Variants in MACF1 observed in about 807,000 individuals in gnomAD.
The protein encoded by MACF1 is microtubule actin crosslinking factor 1.
In MACF1, 193 loss-of-function variants were observed where a neutral mutation model predicts 854.8. The observed-to-expected ratio is 0.23, with a 90% confidence interval of 0.20 to 0.25. The LOEUF is 0.25. Ranked by LOEUF, MACF1 falls within the 10% of genes least tolerant of loss-of-function variation. The pLI, the probability that MACF1 is intolerant of heterozygous loss-of-function variation, is 1.00. For missense variants in MACF1, 7,722 were observed against 8,929.1 expected, an observed-to-expected ratio of 0.86 and a Z score of 5.45; for synonymous variants, 3,185 against 3,226.7, an observed-to-expected ratio of 0.99 and a Z score of 0.44.
intron 6 of MACF1, among the ~76,000 whole-genome samples, chr1:39,273,013 A>C (rs893318989): frequency 1.4e-4 from 22 of 151,896 alleles, no homozygotes; most frequent in Non-Finnish European, 2.5e-4. Flanking sequence ...TACCTGGCTT[A>C]TTTCAACAAG....
chr1:39,233,464 G>A (rs1249051769), intron 2 of MACF1, among the ~76,000 whole-genome samples: 4 of 152,108 alleles, frequency 2.6e-5, no homozygotes, highest in East Asian at 1.9e-4. Flanking sequence ...AAACAGTGAC[G>A]TAAACCCCTG....
At chr1:39,175,347 T>G (rs1644009050) in intron 2 of MACF1, among the ~76,000 whole-genome samples, 2 of 152,234 alleles carry the variant, frequency 1.3e-5, no homozygotes, top group Non-Finnish European at 2.9e-5. Flanking sequence ...GGAGACATTT[T>G]ATATGAAAAA....
intron 6 of MACF1, among the ~76,000 whole-genome samples, chr1:39,276,650 A>G (rs1645443529): frequency 6.6e-6 from 1 of 152,176 alleles, no homozygotes; most frequent in African/African-American, 2.4e-5. Context: ...GAAATCCTCC[A>G]GCCCACAGTA....
intron 1 of MACF1, among the ~76,000 whole-genome samples, chr1:39,229,257 T>C (rs1417878745): frequency 1.3e-5 from 2 of 152,184 alleles, no homozygotes; most frequent in Non-Finnish European, 2.9e-5. Flanking sequence ...AAGAAAATTG[T>C]TCCTTGCAAA....
chr1:39,195,788 T>C (rs981828106), intron 2 of MACF1, among the ~76,000 whole-genome samples: 1 of 152,208 alleles, frequency 6.6e-6, no homozygotes, highest in Non-Finnish European at 1.5e-5. Flanking sequence ...AAGTTATAAA[T>C]AAACATTTAT....
At chr1:39,169,913 A>G (rs1433837718) in intron 2 of MACF1, among the ~76,000 whole-genome samples, 5 of 151,168 alleles carry the variant, frequency 3.3e-5, no homozygotes, top group South Asian at 2.1e-4. Flanking sequence ...AGCTGGGACT[A>G]CAGGCACCTG....
chr1:39,361,755 A>G, intron 49 of MACF1, 78 bp downstream of exon 49: 3 of 1,375,354 alleles, frequency 2.2e-6, no homozygotes, highest in South Asian at 1.3e-5. Context: ...CTGAGCGCAT[A>G]CTACATCAGT....
At chr1:39,269,250 A>G in intron 6 of MACF1, 1 of 1,289,798 alleles carries the variant, frequency 7.8e-7, no homozygotes, top group Non-Finnish European at 1.0e-6. Context: ...GCAAGGAGAG[A>G]CTGCAGTGGA....
chr1:39,248,695 T>G (rs1299269721), intron 2 of MACF1, among the ~76,000 whole-genome samples: 1 of 152,222 alleles, frequency 6.6e-6, no homozygotes, highest in African/African-American at 2.4e-5. Flanking sequence ...ATCTTCCTTA[T>G]AATTTTCACA....
At chr1:39,307,063 C>T (rs1646196713) in intron 23 of MACF1, among the ~76,000 whole-genome samples, 1 of 151,552 alleles carries the variant, frequency 6.6e-6, no homozygotes, top group Non-Finnish European at 1.5e-5. Flanking sequence ...TTAGTAAAGA[C>T]AGGGTTTCAC....
At chr1:39,451,021 A>G (rs1570128221) in intron 84 of MACF1, 31 bp from the exon 85 acceptor site, 2 of 1,604,672 alleles carry the variant, frequency 1.2e-6, no homozygotes, top group Non-Finnish European at 1.7e-6. Context: ...AGGAATCCCT[A>G]AAAATGGTAG....
intron 1 of MACF1, among the ~76,000 whole-genome samples, chr1:39,216,959 C>T (rs1373791456): frequency 2.6e-5 from 4 of 152,186 alleles, no homozygotes; most frequent in Non-Finnish European, 4.4e-5. Flanking sequence ...GGGGTTCCTA[C>T]TCCACCACTT....
At chr1:39,476,502 C>T (rs1644886015) in intron 97 of MACF1, among the ~76,000 whole-genome samples, 2 of 151,472 alleles carry the variant, frequency 1.3e-5, no homozygotes, top group East Asian at 2.0e-4. Flanking sequence ...ACCCAGGAGG[C>T]GGAGGTTACA....
intron 2 of MACF1, among the ~76,000 whole-genome samples, chr1:39,135,765 C>T (rs1264401866): frequency 2.6e-5 from 4 of 152,060 alleles, no homozygotes. Flanking sequence ...AAAATTGCCT[C>T]CTAGTCTAAT....
intron 2 of MACF1, among the ~76,000 whole-genome samples, chr1:39,116,394 GTGTGTGTGTGCACGTGTGTGTGTGTA>G (rs1253623753): frequency 6.6e-6 from 1 of 151,860 alleles, no homozygotes; most frequent in Non-Finnish European, 1.5e-5. Context: ...GTATGTGTGT[GTGTGTGTGTGCACGTGTGTGTGTGTA>G]TGTGTGTGTG....
At chr1:39,265,402 G>A (rs1645219455) in intron 6 of MACF1, among the ~76,000 whole-genome samples, 1 of 152,172 alleles carries the variant, frequency 6.6e-6, no homozygotes, top group South Asian at 2.1e-4. Flanking sequence ...CCAGAAGGCA[G>A]CAAGTCTTGT....
intron 2 of MACF1, among the ~76,000 whole-genome samples, chr1:39,120,576 C>G (rs1642674359): frequency 6.6e-6 from 1 of 152,118 alleles, no homozygotes; most frequent in Non-Finnish European, 1.5e-5. Flanking sequence ...GTTGGCCAGG[C>G]AGGTCTCGAA....
chr1:39,232,746 G>GTTTTTTTTTTTTTTTTTTTTTTTT (rs10712180), intron 2 of MACF1, among the ~76,000 whole-genome samples: 10 of 128,492 alleles, frequency 7.8e-5, no homozygotes, highest in Middle Eastern at 4.2e-3. Context: ...TACTCTCTTT[G>GTTTTTTTTTTTTTTTTTTTTTTTT]TTTTTTTTTT....
intron 99 of MACF1, among the ~76,000 whole-genome samples, chr1:39,484,214 T>TA (rs1645065918): frequency 6.6e-6 from 1 of 152,254 alleles, no homozygotes; most frequent in South Asian, 2.1e-4. Flanking sequence ...ATAGGTGGGC[T>TA]AAAACTCATT....
Sources: gnomAD v4.1 joint callset for allele counts (sites outside exome capture counted in the v4.1 genomes callset) on GRCh38, gnomAD v4.1.1 for gene constraint, MANE v1.5 for transcripts, NCBI Gene and HGNC (gene_info 2026-07-23, HGNC 2026-07-21) for gene names.